Variants in SCIN observed in about 807,000 individuals in gnomAD.
SCIN encodes the protein adseverin.
SCIN carries 91 observed loss-of-function variants against 91.8 expected under a neutral mutation model. The observed-to-expected ratio is 0.99, with a 90% CI of 0.84 to 1.18. SCIN has a LOEUF of 1.18. Ranked by LOEUF, SCIN falls within the 50% of genes most tolerant of loss-of-function variation. SCIN has a pLI of 0.00. For synonymous variants in SCIN, 367 were observed against 312.6 expected (o/e 1.17, Z -1.84); for missense variants, 1,087 against 863.9 (o/e 1.26, Z -3.24).
intron 3 of SCIN, among the ~76,000 whole-genome samples, chr7:12,600,075 A>T (rs1261785479): frequency 6.6e-6 from 1 of 152,132 alleles, no homozygotes; most frequent in Non-Finnish European, 1.5e-5. Context: ...CTTGGTCATG[A>T]AGTCTTTGCT....
chr7:12,587,781 C>T (rs1162122780), intron 3 of SCIN, among the ~76,000 whole-genome samples: 1 of 152,102 alleles, frequency 6.6e-6, no homozygotes, highest in Admixed American at 6.6e-5. Context: ...AGATTGATTG[C>T]TTTGGGTTAG....
At chr7:12,639,259 G>C (rs1382012314) in intron 10 of SCIN, among the ~76,000 whole-genome samples, 1 of 152,182 alleles carries the variant, frequency 6.6e-6, no homozygotes. Flanking sequence ...GAAATGCTAA[G>C]CTAACAGTTT....
chr7:12,648,900 G>A (rs1412001249), intron 13 of SCIN, among the ~76,000 whole-genome samples: 2 of 152,258 alleles, frequency 1.3e-5, no homozygotes, highest in Non-Finnish European at 2.9e-5. Context: ...ATTTTAAAGT[G>A]GAGGAGTTAA....
chr7:12,609,844 T>A (rs1242063429), intron 4 of SCIN, among the ~76,000 whole-genome samples: 2 of 148,048 alleles, frequency 1.4e-5, no homozygotes, highest in African/African-American at 2.5e-5. Flanking sequence ...TGGAAAGTCA[T>A]ACATGCAATG....
At chr7:12,601,766 G>C (rs2115246907) in intron 3 of SCIN, among the ~76,000 whole-genome samples, 1 of 152,300 alleles carries the variant, frequency 6.6e-6, no homozygotes. Context: ...TGCAAACACA[G>C]AGCCAGAGCT....
chr7:12,635,245 A>G (rs1004672035), intron 9 of SCIN, among the ~76,000 whole-genome samples: 2 of 151,976 alleles, frequency 1.3e-5, no homozygotes, highest in African/African-American at 2.4e-5. Flanking sequence ...TCCATTGTCT[A>G]CTTCTCATTA....
At chr7:12,571,239 C>T (rs1454297970) in intron 1 of SCIN, 12 of 529,762 alleles carry the variant, frequency 2.3e-5, no homozygotes, top group South Asian at 1.0e-4. Flanking sequence ...GGTGTAGTTC[C>T]TGGACTTTGG....
rs562613071 is a variant in SCIN at position 12,638,025 on chromosome 7, T to A, written c.1410+1890T>A. On this transcript the variant is annotated intron_variant, in intron 10 of 15. Coordinates refer to ENST00000297029, the MANE Select transcript of SCIN (RefSeq NM_001112706.3). ...TCTAGCCTGGTTCAATCTTCTGTACTCTCCTAAGTTCAACTGCTCCTCCTT... is the reference window on the plus strand; with the variant it reads ...TCTAGCCTGGTTCAATCTTCTGTACACTCCTAAGTTCAACTGCTCCTCCTT... 1.1e-3 allele frequency among the ~76,000 whole-genome samples: 172 copies of A among 152,342 alleles called. 1 individual carries two copies. The highest frequency in any genetic ancestry group is 3.9e-3 in the African/African-American group (161 of 41,578).
At chr7:12,575,195 C>T (rs980745134) in intron 1 of SCIN, among the ~76,000 whole-genome samples, 1 of 150,510 alleles carries the variant, frequency 6.6e-6, no homozygotes, top group Non-Finnish European at 1.5e-5. Context: ...AATCTTGTAT[C>T]CTGCTAATTT....
Position 12,604,579 on chromosome 7 carries a change from T to C in SCIN, c.582T>C (p.Ala194=), listed in dbSNP as rs1398502605. ...AACGTCTGAAGGCAAACCAGGTAGC[T>C]ACTGGCATTCGGTACAATGAAAGGA... is the stretch of plus-strand genomic sequence containing the variant. The part of the protein sequence containing the change: ...KYERLKANQV[A]TGIRYNERKG... Residue 194 remains alanine, a synonymous_variant, in exon 4 of 16, where the codon GCT becomes GCC. Transcript: ENST00000297029. 2.6e-6 allele frequency: 4 copies of C among 1,551,910 alleles called. No homozygotes were observed. The South Asian group carries it at 4.8e-5, about 18-fold the overall frequency.
intron 3 of SCIN, among the ~76,000 whole-genome samples, chr7:12,586,494 C>T (rs929184490): frequency 2.0e-5 from 3 of 152,008 alleles, no homozygotes; most frequent in African/African-American, 7.3e-5. Flanking sequence ...ATGTAAATTA[C>T]TACAGCCATT....
intron 4 of SCIN, among the ~76,000 whole-genome samples, chr7:12,621,759 A>G (rs1451404753): frequency 1.3e-5 from 2 of 151,474 alleles, no homozygotes; most frequent in Admixed American, 6.6e-5. Context: ...ATAAAAAGAT[A>G]GGTATGTTCC....
At chr7:12,596,710 C>T (rs1374156400) in intron 3 of SCIN, among the ~76,000 whole-genome samples, 1 of 150,232 alleles carries the variant, frequency 6.7e-6, no homozygotes, top group African/African-American at 2.5e-5. Flanking sequence ...GTTTGGCAAA[C>T]ACTTTGAGTA....
rs754488169 is a variant in SCIN at position 12,629,199 on chromosome 7, C to G, written c.1296C>G (p.Pro432=). ...GDCYIILYTY[P]RGQIIYTWQG... Reference sequence around the variant, plus strand: ...GCTACATCATACTCTACACCTATCCCAGAGGACAGATTATCTACACGTGGT... The same window carrying G: ...GCTACATCATACTCTACACCTATCCGAGAGGACAGATTATCTACACGTGGT... The change falls in exon 9 of 16, where the codon CCC becomes CCG. Residue 432 remains proline (P), a synonymous_variant. Transcript: ENST00000297029. The G allele has an allele frequency of 6.2e-7, 1 of 1,611,874 alleles. No homozygotes were observed. Among genetic ancestry groups the G allele is most frequent in the Non-Finnish European group, 8.5e-7 (1 of 1,179,198 alleles).
At position 12,626,746 on chromosome 7, in the gene SCIN, C is replaced by T. The variant is rs1382415647; in HGVS notation, c.1144C>T (p.Pro382Ser). The change falls in exon 8 of 16, where the codon CCG becomes TCG. Residue 382 changes from proline (P) to serine (S), a missense_variant. Transcript: ENST00000297029. ...TGATGCCTCAAAATTACACAGTTCT[C>T]CGCAGATGGCAGCCCAGCACAATAT... ...PFDASKLHSSPQMAAQHNMVD... is the reference protein window; with the variant it reads ...PFDASKLHSSSQMAAQHNMVD... 1.6e-5 allele frequency: 26 copies of T among 1,610,478 alleles called. No individual in the cohort carries two copies. The highest frequency in any genetic ancestry group is 5.0e-5 in the Admixed American group (3 of 59,614).
chr7:12,598,195 G>C (rs904065961), intron 3 of SCIN, among the ~76,000 whole-genome samples: 6 of 152,064 alleles, frequency 3.9e-5, no homozygotes, highest in African/African-American at 1.4e-4. Context: ...GTAGTAATAG[G>C]TATTTACCTA....
intron 3 of SCIN, among the ~76,000 whole-genome samples, chr7:12,587,353 G>C (rs988882901): frequency 6.6e-6 from 1 of 152,208 alleles, no homozygotes; most frequent in East Asian, 1.9e-4. Context: ...TGGGGGTGGG[G>C]AGTGAGGATG....
Position 12,652,696 on chromosome 7 carries a change from G to C in SCIN, c.2129G>C (p.Trp710Ser), listed in dbSNP as rs772123878. ...ACATTCACAGGCTGGTTCCTGGGCT[G>C]GGATTCCAGCAAGTGGTAAATTGGT... ...PPTFTGWFLG[W>S]DSSKW The change falls in exon 16 of 16, where the codon TGG (tryptophan) becomes TCG (serine). Residue 710 changes from tryptophan to serine, a missense_variant. Physicochemically the swap from Trp to Ser is radical, Grantham distance 177. Coordinates refer to ENST00000297029, the MANE Select transcript of SCIN (RefSeq NM_001112706.3). 1 of 1,603,496 alleles carries C rather than the reference G, an allele frequency of 6.2e-7. No homozygotes were observed. The highest frequency in any genetic ancestry group is 1.1e-5 in the South Asian group (1 of 89,132).
At position 12,651,948 on chromosome 7, in the gene SCIN, T is replaced by C. The variant is rs902016858; in HGVS notation, c.2020+47T>C. The C allele has an allele frequency of 1.5e-6, 2 of 1,305,118 alleles. No individual in the cohort carries two copies. The highest frequency in any genetic ancestry group is 2.4e-5 in the East Asian group (1 of 41,596). 80.8% of individuals were successfully genotyped at this position (1,305,118 alleles called of 1,614,324 possible). On this transcript the variant is annotated intron_variant, in intron 15 of 15. Coordinates refer to ENST00000297029, the MANE Select transcript of SCIN (RefSeq NM_001112706.3). This position sits in a 1 kb window ranked among gnomAD's most constrained non-coding sequence, Gnocchi z 5.9. ...TTATAGCAGTAACCGGGCACCATTA[T>C]GACCGAGTGTCTGGCTTGCTCTTTG...
Sources: allele counts gnomAD v4.1 joint callset (sites outside exome capture counted in the v4.1 genomes callset), GRCh38; gene constraint gnomAD v4.1.1; non-coding constraint Gnocchi (gnomAD v3.1); transcripts MANE v1.5; gene names NCBI Gene and HGNC (gene_info 2026-07-23, HGNC 2026-07-21).